The following UBE2H variants were observed in gnomAD, a reference collection of about 807,000 sequenced individuals.
The protein encoded by UBE2H is ubiquitin-conjugating enzyme E2 H.
Under a neutral mutation model 29.0 loss-of-function variants are expected in UBE2H, and 3 were observed. The observed-to-expected ratio is 0.10, with a 90% CI of 0.05 to 0.27. The LOEUF (loss-of-function observed/expected upper bound fraction) is 0.27, where lower values mean the gene tolerates loss of function less well. UBE2H is among the 10% of genes least tolerant of loss of function. The pLI is 1.00. For missense variants in UBE2H, 68 were observed against 228.2 expected (o/e 0.30, Z 4.52); for synonymous variants, 69 against 82.9 (o/e 0.83, Z 0.91).
At chr7:129,937,281 A>C (rs889233932) in intron 1 of UBE2H, among the ~76,000 whole-genome samples, 5 of 152,040 alleles carry the variant, frequency 3.3e-5, no homozygotes, top group Non-Finnish European at 7.4e-5. Context: ...GTGAGCCGAG[A>C]TCACACAACT....
intron 1 of UBE2H, among the ~76,000 whole-genome samples, chr7:129,935,301 T>C (rs1242032127): frequency 1.3e-5 from 2 of 150,710 alleles, no homozygotes; most frequent in Non-Finnish European, 2.9e-5. Context: ...GAATCCCAGC[T>C]ACTCAGGAGG....
chr7:129,891,750 G>A (rs888205725), intron 1 of UBE2H, among the ~76,000 whole-genome samples: 13 of 150,702 alleles, frequency 8.6e-5, no homozygotes, highest in Admixed American at 2.0e-4. Context: ...GCAGTGAGCC[G>A]AGATCATGCC....
intron 5 of UBE2H, among the ~76,000 whole-genome samples, chr7:129,850,493 C>A (rs1234054600): frequency 6.6e-6 from 1 of 152,152 alleles, no homozygotes; most frequent in Non-Finnish European, 1.5e-5. Context: ...ACAGGTGTTC[C>A]TGTGCTGTGT....
At chr7:129,889,897 G>A (rs1295978950) in intron 1 of UBE2H, among the ~76,000 whole-genome samples, 3 of 152,074 alleles carry the variant, frequency 2.0e-5, no homozygotes, top group African/African-American at 7.2e-5. Context: ...GGCTGACAGG[G>A]GAGGATCACA....
intron 5 of UBE2H, among the ~76,000 whole-genome samples, chr7:129,848,242 A>G (rs1805546467): frequency 6.6e-6 from 1 of 152,170 alleles, no homozygotes; most frequent in Non-Finnish European, 1.5e-5. Context: ...CAAAAAACAA[A>G]AAACACATCA....
chr7:129,839,129 TTAAGA>T, intron 6 of UBE2H, 73 bp downstream of exon 6: 1 of 1,559,798 alleles, frequency 6.4e-7, no homozygotes, highest in South Asian at 1.2e-5. Flanking sequence ...ACTAAGTAAT[TTAAGA>T]AGGACTTTTA....
At chr7:129,874,938 T>G (rs542186201) in intron 3 of UBE2H, among the ~76,000 whole-genome samples, 1 of 152,116 alleles carries the variant, frequency 6.6e-6, no homozygotes, top group Non-Finnish European at 1.5e-5. Context: ...TACACACACA[T>G]AATTAAAATT....
chr7:129,942,781 C>T (rs1314983034), intron 1 of UBE2H, among the ~76,000 whole-genome samples: 1 of 151,832 alleles, frequency 6.6e-6, no homozygotes, highest in Non-Finnish European at 1.5e-5. Flanking sequence ...GATATAGAGC[C>T]TTACTAGCAA....
At chr7:129,857,326 G>A (rs969557088) in intron 5 of UBE2H, 185 bp downstream of exon 5, 5 of 610,676 alleles carry the variant, frequency 8.2e-6, no homozygotes, top group Non-Finnish European at 1.4e-5. Flanking sequence ...AACTTCCACA[G>A]CTAAACTGAT....
chr7:129,949,775 C>G (rs1164597400), intron 1 of UBE2H, among the ~76,000 whole-genome samples: 1 of 152,154 alleles, frequency 6.6e-6, no homozygotes, highest in Non-Finnish European at 1.5e-5. Context: ...TACTTTCCTA[C>G]TATATAGGTT....
chr7:129,904,772 A>T (rs1473193267), intron 1 of UBE2H, among the ~76,000 whole-genome samples: 2 of 152,182 alleles, frequency 1.3e-5, no homozygotes, highest in African/African-American at 2.4e-5. Flanking sequence ...GCCCTCTGAA[A>T]GCTCCAAGTT....
chr7:129,904,551 T>C (rs1295942958), intron 1 of UBE2H, among the ~76,000 whole-genome samples: 4 of 152,194 alleles, frequency 2.6e-5, no homozygotes, highest in Admixed American at 1.3e-4. Flanking sequence ...TCATGAGTAC[T>C]ATTTTGTCTT....
intron 6 of UBE2H, among the ~76,000 whole-genome samples, chr7:129,835,327 C>T (rs902542573): frequency 3.9e-5 from 6 of 152,168 alleles, no homozygotes; most frequent in African/African-American, 1.4e-4. Context: ...AATGTGTGTG[C>T]TGCAGCACCC....
chr7:129,870,095 T>G (rs1469124012), intron 3 of UBE2H, among the ~76,000 whole-genome samples: 1 of 152,160 alleles, frequency 6.6e-6, no homozygotes, highest in Non-Finnish European at 1.5e-5. Flanking sequence ...TAAAAATTTC[T>G]AAACTCCTCC....
At chr7:129,872,177 A>G (rs1183204309) in intron 3 of UBE2H, among the ~76,000 whole-genome samples, 1 of 152,156 alleles carries the variant, frequency 6.6e-6, no homozygotes, top group African/African-American at 2.4e-5. Flanking sequence ...TTATTTGTGA[A>G]AATACAGTGG....
In UBE2H at chr7:129,952,649, T is replaced by C; in HGVS notation, c.-94A>G. The stretch of plus-strand genomic sequence containing the variant: ...GCCCGCGGCCGCGCCGGCTCCTCGG[T>C]GGAGGTGGCAACACCCCCGCGGTCC... On this transcript the variant is annotated 5_prime_UTR_variant, in exon 1 of 7. Coordinates refer to ENST00000355621, the MANE Select transcript of UBE2H (RefSeq NM_003344.4). 1.4e-6 allele frequency: 2 copies of C among 1,481,060 alleles called. No homozygotes were observed. The highest frequency in any genetic ancestry group is 2.4e-5 in the South Asian group (2 of 81,748). 91.7% of individuals were successfully genotyped at this position (1,481,060 alleles called of 1,614,324 possible). A position where few individuals can be genotyped will look rare whatever the true frequency, so the allele number is the denominator to read the frequency against.
At chr7:129,887,584 G>A (rs902958219) in intron 1 of UBE2H, among the ~76,000 whole-genome samples, 5 of 152,132 alleles carry the variant, frequency 3.3e-5, no homozygotes, top group African/African-American at 1.2e-4. Flanking sequence ...ACAATGTTAA[G>A]TTTTCCTGAG....
At chr7:129,916,877 A>C (rs934799281) in intron 1 of UBE2H, among the ~76,000 whole-genome samples, 16 of 152,152 alleles carry the variant, frequency 1.1e-4, no homozygotes, top group African/African-American at 3.9e-4. Context: ...CTCTACCAAA[A>C]ATACAAAAAA....
At chr7:129,947,616 C>T (rs2116533855) in intron 1 of UBE2H, among the ~76,000 whole-genome samples, 1 of 152,186 alleles carries the variant, frequency 6.6e-6, no homozygotes, top group African/African-American at 2.4e-5. Context: ...GTACAGATCC[C>T]CATATACATC....
Sources: gnomAD v4.1 joint callset for allele counts (sites outside exome capture counted in the v4.1 genomes callset) on GRCh38, gnomAD v4.1.1 for gene constraint, MANE v1.5 for transcripts, NCBI Gene and HGNC (gene_info 2026-07-23, HGNC 2026-07-21) for gene names.